Variants in PDK1 observed in about 807,000 individuals in gnomAD.
PDK1 encodes pyruvate dehydrogenase kinase 1, also known as [Pyruvate dehydrogenase (acetyl-transferring)] kinase isozyme 1, mitochondrial.
Under a neutral mutation model 54.2 loss-of-function variants are expected in PDK1, and 39 were observed. The observed-to-expected ratio is 0.72, with a 90% CI of 0.56 to 0.94. The LOEUF is 0.94. PDK1 is among the 40% of genes least tolerant of loss of function. The probability of loss-of-function intolerance (pLI) is 0.00; values close to 1 mark genes in which losing one functional copy is unlikely to be tolerated. For synonymous variants in PDK1, 221 were observed against 207.1 expected, an observed-to-expected ratio of 1.07 and a Z score of -0.58; for missense variants, 552 against 566.0, an observed-to-expected ratio of 0.98 and a Z score of 0.25.
the PDK1 span, among the ~76,000 whole-genome samples, chr2:172,659,264 C>T: frequency 2.0e-5 from 3 of 152,182 alleles, no homozygotes; most frequent in African/African-American, 7.2e-5. Flanking sequence ...CCCGATAAAA[C>T]CACATCCAAA....
chr2:172,625,420 C>A, the PDK1 span, among the ~76,000 whole-genome samples: 2 of 152,180 alleles, frequency 1.3e-5, no homozygotes, highest in Admixed American at 6.5e-5. Context: ...TTTCTCCAGG[C>A]AGAGTGATGT....
At chr2:172,681,422 A>T in the PDK1 span, among the ~76,000 whole-genome samples, 2 of 152,176 alleles carry the variant, frequency 1.3e-5, no homozygotes, top group African/African-American at 4.8e-5. Context: ...CCCTTGTGAG[A>T]CTTGGCATGC....
At chr2:172,567,782 C>G (rs775374707) in intron 6 of PDK1, among the ~76,000 whole-genome samples, 14 of 152,194 alleles carry the variant, frequency 9.2e-5, no homozygotes, top group Non-Finnish European at 1.5e-5. Flanking sequence ...GGAGTTTATT[C>G]AGAGGAAGGT....
At chr2:172,653,531 A>G in the PDK1 span, among the ~76,000 whole-genome samples, 1 of 152,098 alleles carries the variant, frequency 6.6e-6, no homozygotes, top group Non-Finnish European at 1.5e-5. Flanking sequence ...TGAACCTGGG[A>G]AGCGGAGGTT....
chr2:172,593,293 T>C lies in PDK1; in HGVS notation c.1170+245T>C, dbSNP rs115947802. On this transcript the variant is annotated intron_variant, in intron 10 of 10. Transcript: ENST00000282077. ...AAAAAAATTGGGTTAAAGTAGAGAATCATAAGTTATATATCATACAAGTTT... is the reference window on the plus strand; with the variant it reads ...AAAAAAATTGGGTTAAAGTAGAGAACCATAAGTTATATATCATACAAGTTT... Among the ~76,000 whole-genome samples, 467 of 152,274 alleles carry C rather than the reference T, an allele frequency of 3.1e-3. 5 individuals carry two copies. Among genetic ancestry groups the C allele is most frequent in the African/African-American group, 0.011 (452 of 41,548 alleles).
At chr2:172,615,960 G>A in the PDK1 span, among the ~76,000 whole-genome samples, 1 of 152,188 alleles carries the variant, frequency 6.6e-6, no homozygotes, top group African/African-American at 2.4e-5. Flanking sequence ...TGGGGACACA[G>A]CTACGAACAG....
At position 172,562,267 on chromosome 2, in the gene PDK1, C is replaced by T; in HGVS notation, c.386C>T (p.Ala129Val). 1 of 1,599,782 alleles carries T rather than the reference C, an allele frequency of 6.3e-7. No individual in the cohort carries two copies. Among genetic ancestry groups the T allele is most frequent in the South Asian group, 1.1e-5 (1 of 90,702 alleles). Residue 129 changes from alanine to valine, a missense_variant, in exon 3 of 11, where the codon GCT becomes GTT. Coordinates refer to ENST00000282077, the MANE Select transcript of PDK1 (RefSeq NM_002610.5). ...CTTCTTGATTTTAAGGACAAAAGTGCTGAGGATGCTAAAGCTATTTATGAG... is the reference window on the plus strand; with the variant it reads ...CTTCTTGATTTTAAGGACAAAAGTGTTGAGGATGCTAAAGCTATTTATGAG... ...QELLDFKDKS[A>V]EDAKAIYDFT...
In PDK1 at chr2:172,556,429, C is replaced by G. The variant is rs956655383; in HGVS notation, c.196+83C>G. Reference sequence around the variant, plus strand: ...CCGCTGCCCCAGGCCGGGTCGGCGCCGGCCAGCTCTCGCCTGAGGCGCACC... The same window carrying G: ...CCGCTGCCCCAGGCCGGGTCGGCGCGGGCCAGCTCTCGCCTGAGGCGCACC... On this transcript the variant is annotated intron_variant, in intron 1 of 10. Coordinates refer to ENST00000282077, the MANE Select transcript of PDK1 (RefSeq NM_002610.5). 1.8e-5 allele frequency: 19 copies of G among 1,072,396 alleles called. No homozygotes were observed. In the South Asian group the frequency reaches 3.9e-4, roughly 22 times the overall value. The allele number at this position is 1,072,396 out of a possible 1,614,324, so 66.4% of individuals were successfully genotyped here.
chr2:172,672,587 C>T, the PDK1 span, among the ~76,000 whole-genome samples: 4 of 151,852 alleles, frequency 2.6e-5, no homozygotes, highest in South Asian at 4.2e-4. Flanking sequence ...GGCAACTCTT[C>T]ATTGAGCAAG....
intron 8 of PDK1, among the ~76,000 whole-genome samples, chr2:172,583,350 G>A (rs1690027349): frequency 7.6e-6 from 1 of 131,132 alleles, no homozygotes; most frequent in Non-Finnish European, 1.5e-5. Flanking sequence ...AGGCTAGAGT[G>A]CAGTGGTACA....
At chr2:172,573,638 G>GTA (rs201481863) in intron 8 of PDK1, among the ~76,000 whole-genome samples, 264 of 147,226 alleles carry the variant, frequency 1.8e-3, no homozygotes, top group African/African-American at 4.4e-3. Context: ...CTATGTGTGT[G>GTA]TATATATATA....
the PDK1 span, among the ~76,000 whole-genome samples, chr2:172,639,005 A>G: frequency 6.6e-6 from 1 of 152,222 alleles, no homozygotes; most frequent in South Asian, 2.1e-4. Flanking sequence ...AAGAAAAGAA[A>G]AAACATTTTA....
chr2:172,644,460 G>A, the PDK1 span, among the ~76,000 whole-genome samples: 3 of 152,170 alleles, frequency 2.0e-5, no homozygotes, highest in African/African-American at 7.2e-5. Context: ...TGGTAATAGT[G>A]CCTACTTTAC....
the PDK1 span, among the ~76,000 whole-genome samples, chr2:172,633,446 T>C: frequency 6.7e-6 from 1 of 150,222 alleles, no homozygotes; most frequent in South Asian, 2.1e-4. Flanking sequence ...AAATCAAAAC[T>C]GATCATTTTC....
chr2:172,683,224 A>G, the PDK1 span, among the ~76,000 whole-genome samples: 2 of 151,788 alleles, frequency 1.3e-5, no homozygotes, highest in Non-Finnish European at 2.9e-5. Flanking sequence ...GCAGGCGCCT[A>G]TAGTCCCAGC....
downstream of PDK1, among the ~76,000 whole-genome samples, chr2:172,612,423 C>G (rs1418350875): frequency 6.6e-6 from 1 of 152,064 alleles, no homozygotes; most frequent in Non-Finnish European, 1.5e-5. Context: ...ATTAGTATCA[C>G]TGTCATAAAC....
intron 7 of PDK1, among the ~76,000 whole-genome samples, chr2:172,569,616 A>G (rs1164751829): frequency 1.3e-5 from 2 of 152,226 alleles, no homozygotes; most frequent in Non-Finnish European, 2.9e-5. Flanking sequence ...ACTGAAACAC[A>G]GAAAAACTGA....
chr2:172,637,563 A>G, the PDK1 span, among the ~76,000 whole-genome samples: 7 of 152,124 alleles, frequency 4.6e-5, no homozygotes, highest in Non-Finnish European at 1.0e-4. Context: ...TCCCATTTTA[A>G]TCCACTTTTC....
At chr2:172,687,098 C>A in the PDK1 span, among the ~76,000 whole-genome samples, 4 of 151,712 alleles carry the variant, frequency 2.6e-5, no homozygotes, top group East Asian at 3.9e-4. Flanking sequence ...TGTAAACTAA[C>A]AATATATTAT....
Sources: allele counts gnomAD v4.1 joint callset (sites outside exome capture counted in the v4.1 genomes callset), GRCh38; gene constraint gnomAD v4.1.1; transcripts MANE v1.5; gene names NCBI Gene and HGNC (gene_info 2026-07-23, HGNC 2026-07-21).